SNTG2: variants seen among roughly 807,000 people sequenced by gnomAD.
SNTG2 encodes gamma-2-syntrophin.
SNTG2 carries 74 observed loss-of-function variants against 70.9 expected under a neutral mutation model. The observed-to-expected ratio is 1.04, with a 90% CI of 0.86 to 1.27. The LOEUF (loss-of-function observed/expected upper bound fraction) is 1.27, where lower values mean the gene tolerates loss of function less well. SNTG2 is among the 50% of genes most tolerant of loss of function. SNTG2 has a pLI of 0.00. For synonymous variants in SNTG2, 278 were observed against 273.8 expected (o/e 1.02, Z -0.15); for missense variants, 717 against 690.7 (o/e 1.04, Z -0.43).
At chr2:971,955 A>G (rs929743904) in intron 1 of SNTG2, among the ~76,000 whole-genome samples, 2 of 151,914 alleles carry the variant, frequency 1.3e-5, no homozygotes, top group African/African-American at 4.8e-5. Context: ...ATTTCCATGT[A>G]TAGTTTTGAG....
intron 1 of SNTG2, among the ~76,000 whole-genome samples, chr2:1,027,500 C>T (rs982001495): frequency 4.3e-4 from 61 of 142,646 alleles, no homozygotes; most frequent in African/African-American, 1.5e-3. Context: ...AGGTGCATCA[C>T]TGAAGGTGCG....
At chr2:1,125,599 C>T (rs1667648796) in intron 4 of SNTG2, among the ~76,000 whole-genome samples, 1 of 152,162 alleles carries the variant, frequency 6.6e-6, no homozygotes. Context: ...AAATATAAAT[C>T]ACAGAAGGAA....
At chr2:1,244,905 G>T (rs1252159891) in intron 11 of SNTG2, among the ~76,000 whole-genome samples, 2 of 151,918 alleles carry the variant, frequency 1.3e-5, no homozygotes, top group Non-Finnish European at 2.9e-5. Flanking sequence ...TGAAGATATG[G>T]TCATCATTGT....
intron 9 of SNTG2, among the ~76,000 whole-genome samples, chr2:1,235,307 G>GC (rs397965907): frequency 4.9e-5 from 3 of 61,846 alleles, no homozygotes; most frequent in Non-Finnish European, 6.7e-5. Flanking sequence ...ATGAGAGGGG[G>GC]GCCCCTGCCC....
intron 1 of SNTG2, among the ~76,000 whole-genome samples, chr2:1,069,041 C>T (rs963408894): frequency 2.0e-5 from 3 of 152,188 alleles, no homozygotes; most frequent in Non-Finnish European, 4.4e-5. Flanking sequence ...CTCTCAAACA[C>T]GTGTCAGTGT....
At chr2:1,138,520 C>T (rs1011680632) in intron 6 of SNTG2, among the ~76,000 whole-genome samples, 10 of 151,608 alleles carry the variant, frequency 6.6e-5, no homozygotes, top group African/African-American at 1.9e-4. Flanking sequence ...GGGGTGGGGG[C>T]GGAGGTGGAG....
At chr2:954,013 A>G (rs967146720) in intron 1 of SNTG2, among the ~76,000 whole-genome samples, 3 of 151,996 alleles carry the variant, frequency 2.0e-5, no homozygotes, top group Admixed American at 2.0e-4. Context: ...CAGGCCTCCT[A>G]TTTACTAAAT....
chr2:1,222,355 G>C (rs1291311196), intron 9 of SNTG2, among the ~76,000 whole-genome samples: 2 of 152,266 alleles, frequency 1.3e-5, no homozygotes, highest in Non-Finnish European at 2.9e-5. Context: ...TTCGTAACAA[G>C]TTGTCTGCTT....
chr2:1,204,104 A>G (rs1332563227), intron 8 of SNTG2, among the ~76,000 whole-genome samples: 1 of 152,216 alleles, frequency 6.6e-6, no homozygotes, highest in African/African-American at 2.4e-5. Flanking sequence ...AACAGCAGAA[A>G]CCAGATCAGT....
intron 14 of SNTG2, among the ~76,000 whole-genome samples, chr2:1,271,558 A>C (rs1287384161): frequency 6.6e-6 from 1 of 152,174 alleles, no homozygotes; most frequent in Non-Finnish European, 1.5e-5. Flanking sequence ...TGACTCACCC[A>C]ACAATAAACA....
At chr2:1,105,171 T>C (rs1166266396) in intron 4 of SNTG2, among the ~76,000 whole-genome samples, 1 of 151,528 alleles carries the variant, frequency 6.6e-6, no homozygotes, top group Non-Finnish European at 1.5e-5. Context: ...TGCTGAACCA[T>C]GGGAGCAGGC....
chr2:1,318,049 A>C lies in SNTG2; in HGVS notation c.1488+1674A>C, dbSNP rs181610919. On this transcript the variant is annotated intron_variant, in intron 16 of 16. Transcript: ENST00000308624. The stretch of plus-strand genomic sequence containing the variant: ...TAAATTGACTATAATATGGAGAACA[A>C]ACTTCTTTGTTAATTAAAGACCTTA... Among the ~76,000 whole-genome samples the C allele has an allele frequency of 9.2e-5, 14 of 152,316 alleles. No homozygotes were observed. The East Asian group carries it at 2.7e-3, about 29-fold the overall frequency.
intron 6 of SNTG2, among the ~76,000 whole-genome samples, chr2:1,157,260 T>G (rs4246565): frequency 0.89 from 135,701 of 152,082 alleles, 61,795 homozygotes; most frequent in Non-Finnish European, 0.98. Context: ...TTGGCAGGAA[T>G]CATCGAGTCC....
At chr2:956,723 G>A (rs1660175449) in intron 1 of SNTG2, among the ~76,000 whole-genome samples, 1 of 152,268 alleles carries the variant, frequency 6.6e-6, no homozygotes, top group Non-Finnish European at 1.5e-5. Flanking sequence ...GTTCTGCCCT[G>A]CTGCGTGGTA....
chr2:1,299,331 C>A (rs1383999611), intron 14 of SNTG2, among the ~76,000 whole-genome samples: 1 of 152,204 alleles, frequency 6.6e-6, no homozygotes, highest in Non-Finnish European at 1.5e-5. Flanking sequence ...TTTCTGGAGG[C>A]TGCAAGTCTG....
intron 14 of SNTG2, among the ~76,000 whole-genome samples, chr2:1,282,651 C>T (rs540838570): frequency 1.2e-4 from 18 of 152,076 alleles, no homozygotes; most frequent in South Asian, 4.2e-4. Context: ...CGCGTCCCTC[C>T]GGGAACTCCC....
At position 1,255,875 on chromosome 2, in the gene SNTG2, T is replaced by TATATATAAATATATATAA. The variant is rs1553373349; in HGVS notation, c.1006-3488_1006-3487insAATATATATAAATATATA. Among the ~76,000 whole-genome samples the TATATATAAATATATATAA allele has an allele frequency of 1.1e-4, 6 of 55,856 alleles. No individual in the cohort carries two copies. In the East Asian group the frequency reaches 2.1e-3, roughly 20 times the overall value. 36.6% of individuals were successfully genotyped at this position (55,856 alleles called of 152,430 possible). ...ATAAATATATATAAATATATATAAA[T>TATATATAAATATATATAA]ATATATATAAATATATATAAATATA... is the stretch of plus-strand genomic sequence containing the variant. On this transcript the variant is annotated intron_variant, in intron 12 of 16. Coordinates refer to ENST00000308624, the MANE Select transcript of SNTG2 (RefSeq NM_018968.4).
intron 4 of SNTG2, among the ~76,000 whole-genome samples, chr2:1,125,016 A>G (rs1667615646): frequency 6.6e-6 from 1 of 152,202 alleles, no homozygotes; most frequent in Non-Finnish European, 1.5e-5. Context: ...TTGCTTCACT[A>G]TAGTAACCAT....
At chr2:1,042,617 C>T (rs1661503548) in intron 1 of SNTG2, among the ~76,000 whole-genome samples, 1 of 152,132 alleles carries the variant, frequency 6.6e-6, no homozygotes, top group African/African-American at 2.4e-5. Context: ...TGAGAATATC[C>T]AGTGTTTGGA....
Sources: gnomAD v4.1 joint callset for allele counts (sites outside exome capture counted in the v4.1 genomes callset) on GRCh38, gnomAD v4.1.1 for gene constraint, MANE v1.5 for transcripts, NCBI Gene and HGNC (gene_info 2026-07-23, HGNC 2026-07-21) for gene names.